Variants in DIAPH1 observed in about 807,000 individuals in gnomAD.
DIAPH1 encodes the protein protein diaphanous homolog 1.
DIAPH1 carries 46 observed loss-of-function variants against 140.7 expected under a neutral mutation model. That is an observed-to-expected ratio of 0.33 (90% confidence interval 0.26 to 0.42). DIAPH1 has a LOEUF of 0.42. Ranked by LOEUF, DIAPH1 falls within the 10% of genes least tolerant of loss-of-function variation. The pLI, the probability that DIAPH1 is intolerant of heterozygous loss-of-function variation, is 1.00. For synonymous variants in DIAPH1, 565 were observed against 551.6 expected (o/e 1.02, Z -0.34); for missense variants, 1,310 against 1,558.7 (o/e 0.84, Z 2.69).
At chr5:141,609,168 C>CA (rs11405338) in intron 1 of DIAPH1, among the ~76,000 whole-genome samples, 32,372 of 84,114 alleles carry the variant, frequency 0.38, 4,429 homozygotes, top group Admixed American at 0.46. Flanking sequence ...TTACTAAATG[C>CA]AAAAAAAAAA....
chr5:141,549,625 T>C (rs1325463936), intron 18 of DIAPH1, among the ~76,000 whole-genome samples: 2 of 152,126 alleles, frequency 1.3e-5, no homozygotes, highest in East Asian at 1.9e-4. Context: ...ATTTACCATA[T>C]ATGGGTAAAA....
intron 27 of DIAPH1, chr5:141,518,855 G>A (rs1415352624): frequency 2.3e-6 from 3 of 1,290,820 alleles, no homozygotes; most frequent in Non-Finnish European, 3.3e-6. Flanking sequence ...TTCTCTCCCT[G>A]CAGAGCCATG....
intron 19 of DIAPH1, among the ~76,000 whole-genome samples, chr5:141,531,315 C>T (rs1260880188): frequency 3.4e-5 from 5 of 144,948 alleles, no homozygotes; most frequent in African/African-American, 1.0e-4. Flanking sequence ...CTCTCTCTCT[C>T]TTTTTTTTTT....
chr5:141,601,066 G>A (rs902668406), intron 1 of DIAPH1, among the ~76,000 whole-genome samples: 11 of 151,898 alleles, frequency 7.2e-5, no homozygotes, highest in African/African-American at 2.7e-4. Flanking sequence ...ATCACACACC[G>A]GGGCCTGTTG....
intron 18 of DIAPH1, among the ~76,000 whole-genome samples, chr5:141,545,098 G>A (rs890311720): frequency 1.3e-5 from 2 of 152,172 alleles, no homozygotes; most frequent in African/African-American, 4.8e-5. Flanking sequence ...TTATATGACA[G>A]TCTGAAAAAG....
chr5:141,528,177 A>C (rs962931647), intron 23 of DIAPH1, among the ~76,000 whole-genome samples: 6 of 152,178 alleles, frequency 3.9e-5, no homozygotes, highest in South Asian at 4.1e-4. Flanking sequence ...CTTAATGAAA[A>C]GAACTATTAA....
intron 27 of DIAPH1, among the ~76,000 whole-genome samples, chr5:141,517,275 GAC>G (rs2099885832): frequency 1.3e-5 from 2 of 152,252 alleles, no homozygotes; most frequent in Non-Finnish European, 2.9e-5. Flanking sequence ...TTTGAACACA[GAC>G]AGACAGAACT....
chr5:141,584,427 A>G (rs2099897226), intron 3 of DIAPH1, among the ~76,000 whole-genome samples: 2 of 151,692 alleles, frequency 1.3e-5, no homozygotes, highest in Non-Finnish European at 2.9e-5. Flanking sequence ...TTTAGTATAA[A>G]TCTCTATAGA....
Position 141,527,699 on chromosome 5 carries a change from T to TAAAAAAAAACAA in DIAPH1, c.3149-3_3149-2insTTGTTTTTTTTT. 8.8e-7 allele frequency: 1 copy of TAAAAAAAAACAA among 1,130,080 alleles called. No individual in the cohort carries two copies. Among genetic ancestry groups the TAAAAAAAAACAA allele is most frequent in the East Asian group, 3.6e-5 (1 of 27,440 alleles). 70.0% of individuals were successfully genotyped at this position (1,130,080 alleles called of 1,614,324 possible). A position where few individuals can be genotyped will look rare whatever the true frequency, so the allele number is the denominator to read the frequency against. Reference sequence around the variant, plus strand: ...TCTTTTGCAAGTTTTCAGCAGAAACTAAAAAAAAAAAAAAAAAAAAAAACC... The same window carrying TAAAAAAAAACAA: ...TCTTTTGCAAGTTTTCAGCAGAAACTAAAAAAAAACAAAAAAAAAAAAAAAAAAAAAAAAACC... On this transcript the variant is annotated splice_polypyrimidine_tract_variant and splice_region_variant and intron_variant, in intron 23 of 27. Coordinates refer to ENST00000389054, the MANE Select transcript of DIAPH1 (RefSeq NM_005219.5).
chr5:141,584,500 A>G (rs149546257), intron 3 of DIAPH1, among the ~76,000 whole-genome samples: 15 of 152,300 alleles, frequency 9.8e-5, no homozygotes, highest in African/African-American at 3.1e-4. Context: ...TTTATTTTGT[A>G]TTATTGAAAG....
chr5:141,568,004 C>T (rs937912105), intron 18 of DIAPH1, among the ~76,000 whole-genome samples: 4 of 152,202 alleles, frequency 2.6e-5, no homozygotes, highest in Admixed American at 2.0e-4. Context: ...CTGATGCTCA[C>T]AGTTCACATA....
chr5:141,564,578 C>T (rs1480519827), intron 18 of DIAPH1: 2 of 152,180 alleles, frequency 1.3e-5, no homozygotes, highest in Non-Finnish European at 2.9e-5. Flanking sequence ...AAGTTTTGCC[C>T]CAGTTTAGCT....
chr5:141,520,374 G>T (rs183715978), intron 27 of DIAPH1, among the ~76,000 whole-genome samples: 5 of 152,176 alleles, frequency 3.3e-5, no homozygotes, highest in Non-Finnish European at 5.9e-5. Context: ...AATGTTGGAG[G>T]TGGGGCCTAG....
intron 18 of DIAPH1, among the ~76,000 whole-genome samples, chr5:141,540,162 G>A (rs537629366): frequency 6.6e-6 from 1 of 151,964 alleles, no homozygotes; most frequent in Admixed American, 6.6e-5. Flanking sequence ...TGTCACCCAG[G>A]CTAGAGCGCA....
chr5:141,616,684 G>A (rs2099902738), intron 1 of DIAPH1, among the ~76,000 whole-genome samples: 1 of 152,166 alleles, frequency 6.6e-6, no homozygotes. Context: ...GCAATAAAAG[G>A]GTTAAGCAGC....
intron 1 of DIAPH1, among the ~76,000 whole-genome samples, chr5:141,617,501 C>T (rs932574735): frequency 6.6e-6 from 1 of 152,146 alleles, no homozygotes; most frequent in Non-Finnish European, 1.5e-5. Context: ...ACATTTTCTT[C>T]CTGTTTCCAT....
intron 1 of DIAPH1, among the ~76,000 whole-genome samples, chr5:141,608,159 G>A (rs2099901248): frequency 6.6e-6 from 1 of 152,202 alleles, no homozygotes; most frequent in South Asian, 2.1e-4. Context: ...GGGGTTGATA[G>A]CTGGGCCCGG....
At chr5:141,523,209 C>T (rs1287609605) in intron 27 of DIAPH1, among the ~76,000 whole-genome samples, 1 of 152,220 alleles carries the variant, frequency 6.6e-6, no homozygotes, top group Non-Finnish European at 1.5e-5. Flanking sequence ...AGCCAGGAAA[C>T]AGGGAACATA....
chr5:141,578,462 T>C, intron 10 of DIAPH1, 53 bp downstream of exon 10: 1 of 1,546,314 alleles, frequency 6.5e-7, no homozygotes, highest in Non-Finnish European at 8.9e-7. Context: ...TTATTGGGGC[T>C]GTAGAGCAAG....
Sources: allele counts gnomAD v4.1 joint callset (sites outside exome capture counted in the v4.1 genomes callset), GRCh38; gene constraint gnomAD v4.1.1; transcripts MANE v1.5; gene names NCBI Gene and HGNC (gene_info 2026-07-23, HGNC 2026-07-21).